The following PHKA1 variants were observed in gnomAD, a reference collection of about 807,000 sequenced individuals.
PHKA1 encodes the protein phosphorylase b kinase regulatory subunit alpha, skeletal muscle isoform.
Under a neutral mutation model 110.2 loss-of-function variants are expected in PHKA1, and 60 were observed. The ratio of observed to expected loss-of-function variants is 0.54; its 90% confidence interval spans 0.44 to 0.68. The LOEUF is 0.68. Ranked by LOEUF, PHKA1 falls within the 30% of genes least tolerant of loss-of-function variation. The pLI, the probability that PHKA1 is intolerant of heterozygous loss-of-function variation, is 0.00. For synonymous variants in PHKA1, 316 were observed against 333.6 expected (o/e 0.95, Z 0.58); for missense variants, 801 against 942.5 (o/e 0.85, Z 1.97).
At chrX:72,623,324 T>C in intron 17 of PHKA1, 49 bp from the exon 18 acceptor site, 1 of 1,011,467 alleles carries the variant, frequency 9.9e-7, no homozygotes, top group Non-Finnish European at 1.4e-6. Flanking sequence ...GTGATCCTTT[T>C]TAAACAACAC....
intron 21 of PHKA1, among the ~76,000 whole-genome samples, chrX:72,616,242 C>G (rs1188214639): frequency 9.0e-6 from 1 of 111,576 alleles, no homozygotes; most frequent in Non-Finnish European, 1.9e-5. Flanking sequence ...GTGGCATGCA[C>G]CTGTGGTCCC....
intron 29 of PHKA1, among the ~76,000 whole-genome samples, chrX:72,591,655 A>C (rs2052523960): frequency 1.8e-5 from 2 of 112,223 alleles, no homozygotes; most frequent in Admixed American, 9.5e-5. Context: ...TTAGAATTTT[A>C]AAGTCATTTA....
At chrX:72,622,899 C>G (rs1176503368) in intron 18 of PHKA1, 1 of 753,211 alleles carries the variant, frequency 1.3e-6, no homozygotes, top group Non-Finnish European at 1.6e-6. Context: ...AAGGGACTGT[C>G]CAACTCCATA....
rs782118035 is a variant in PHKA1 at position 72,667,447 on chromosome X, C to G, written c.645G>C (p.Leu215=). 10 of 1,209,736 alleles carry G rather than the reference C, an allele frequency of 8.3e-6. No homozygotes were observed. Among genetic ancestry groups the G allele is most frequent in the Non-Finnish European group, 1.0e-5 (9 of 893,643 alleles). The part of the protein sequence containing the change: ...AKAALEALDE[L]DLFGVKGGPQ... ...GCCCACCTTTCACACCAAACAGATC[C>G]AGTTCATCTAATGCTTCCAGGGCTG... Residue 215 remains leucine (L), a synonymous_variant, in exon 7 of 32, where the codon CTG becomes CTC. Transcript: ENST00000373542.
chrX:72,597,524 T>G (rs1313569034), intron 28 of PHKA1, among the ~76,000 whole-genome samples: 1 of 111,532 alleles, frequency 9.0e-6, no homozygotes, highest in East Asian at 2.8e-4. Flanking sequence ...TTTTAAATTT[T>G]TTTTAACTTT....
In PHKA1 at chrX:72,705,151, A is replaced by G. The variant is rs1226651509; in HGVS notation, c.285+47T>C. Reference sequence around the variant, plus strand: ...ACATTCCCTAAAGGGTAGAGATACTATTACAATGTGCTTTTATTAGAGAGG... The same window carrying G: ...ACATTCCCTAAAGGGTAGAGATACTGTTACAATGTGCTTTTATTAGAGAGG... On this transcript the variant is annotated intron_variant, in intron 3 of 31. Transcript: ENST00000373542. 4.4e-6 allele frequency: 4 copies of G among 916,363 alleles called. No individual in the cohort carries two copies. The East Asian group carries it at 9.8e-5, about 22-fold the overall frequency. 75.5% of individuals were successfully genotyped at this position (916,363 alleles called of 1,213,427 possible). A position where few individuals can be genotyped will look rare whatever the true frequency, so the allele number is the denominator to read the frequency against.
rs782141638 is a variant in PHKA1 at position 72,666,832 on chromosome X, C to T, written c.718-535G>A. 4.6e-4 allele frequency among the ~76,000 whole-genome samples: 51 copies of T among 111,938 alleles called. 1 individual carries two copies. The highest frequency in any genetic ancestry group is 7.2e-4 in the Non-Finnish European group (38 of 53,107). Reference sequence around the variant, plus strand: ...GGAGATGAGTTTATATTCAATAGGACCCTATGGTATCTAATCAGGGTTTGA... The same window carrying T: ...GGAGATGAGTTTATATTCAATAGGATCCTATGGTATCTAATCAGGGTTTGA... On this transcript the variant is annotated intron_variant, in intron 7 of 31. Coordinates refer to ENST00000373542, the MANE Select transcript of PHKA1 (RefSeq NM_002637.4).
chrX:72,670,325 T>G (rs1170203191), intron 6 of PHKA1, among the ~76,000 whole-genome samples: 1 of 111,964 alleles, frequency 8.9e-6, no homozygotes, highest in African/African-American at 3.3e-5. Flanking sequence ...TTCTATAGGT[T>G]GCCTGTTCAC....
At chrX:72,630,165 T>C (rs2053142909) in intron 16 of PHKA1, among the ~76,000 whole-genome samples, 1 of 110,230 alleles carries the variant, frequency 9.1e-6, no homozygotes. Flanking sequence ...GGTAGGAGAA[T>C]CACTTGAACC....
chrX:72,671,885 T>G (rs1190343873), intron 6 of PHKA1, among the ~76,000 whole-genome samples: 1 of 111,897 alleles, frequency 8.9e-6, no homozygotes, highest in Non-Finnish European at 1.9e-5. Flanking sequence ...GCTAGCCATA[T>G]GTAGAAAGCT....
chrX:72,652,517 T>C, intron 12 of PHKA1, 27 bp downstream of exon 12: 1 of 846,691 alleles, frequency 1.2e-6, no homozygotes, highest in African/African-American at 2.0e-5. Flanking sequence ...CAGAAAAAAG[T>C]GGGACAGCCT....
intron 19 of PHKA1, 56 bp downstream of exon 19, chrX:72,620,669 A>T: frequency 9.5e-7 from 1 of 1,055,064 alleles, no homozygotes. Flanking sequence ...GCCCGCCCCT[A>T]TCCTGGGCTT....
At chrX:72,638,436 T>G (rs1556293160) in intron 14 of PHKA1, among the ~76,000 whole-genome samples, 1 of 110,488 alleles carries the variant, frequency 9.1e-6, no homozygotes, top group African/African-American at 3.3e-5. Flanking sequence ...TTTTTTTCTT[T>G]TGTCTTTTAT....
chrX:72,602,992 CT>C (rs1270039958), intron 26 of PHKA1, 126 bp downstream of exon 26: 1 of 504,413 alleles, frequency 2.0e-6, no homozygotes, highest in Non-Finnish European at 3.5e-6. Context: ...AGCTTGGTTT[CT>C]GTTTTATATA....
At position 72,623,162 on chromosome X, in the gene PHKA1, T is replaced by G; in HGVS notation, c.1907A>C (p.Tyr636Ser). 1 of 1,210,906 alleles carries G rather than the reference T, an allele frequency of 8.3e-7. No individual in the cohort carries two copies. The highest frequency in any genetic ancestry group is 1.1e-6 in the Non-Finnish European group (1 of 894,765). Reference sequence around the variant, plus strand: ...CCAGTTGCCAGATTCCAGGTAATCATAGTTGTCATCATAATCTTCACTGTA... The same window carrying G: ...CCAGTTGCCAGATTCCAGGTAATCAGAGTTGTCATCATAATCTTCACTGTA... ...KLYSEDYDDNYDYLESGNWMN... is the reference protein window; with the variant it reads ...KLYSEDYDDNSDYLESGNWMN... Residue 636 changes from tyrosine to serine, a missense_variant, in exon 18 of 32, where the codon TAT (tyrosine) becomes TCT (serine). Tyr to Ser is a moderately radical substitution (Grantham distance 144, BLOSUM62 -2). Coordinates refer to ENST00000373542, the MANE Select transcript of PHKA1 (RefSeq NM_002637.4).
At chrX:72,606,181 G>A (rs782166797) in intron 23 of PHKA1, among the ~76,000 whole-genome samples, 1 of 111,539 alleles carries the variant, frequency 9.0e-6, no homozygotes, top group African/African-American at 3.3e-5. Flanking sequence ...GTTAACAATA[G>A]TCACCCTACT....
intron 13 of PHKA1, among the ~76,000 whole-genome samples, chrX:72,646,173 G>A (rs1359000804): frequency 9.0e-6 from 1 of 111,679 alleles, no homozygotes; most frequent in African/African-American, 3.3e-5. Context: ...AAGGGCATAT[G>A]CATCACTTGA....
At chrX:72,620,510 C>T (rs1312629092) in intron 19 of PHKA1, among the ~76,000 whole-genome samples, 2 of 112,012 alleles carry the variant, frequency 1.8e-5, no homozygotes, top group Admixed American at 1.9e-4. Context: ...CCAGTTAAAC[C>T]AGACTACATA....
rs782389974 is a variant in PHKA1, at chrX:72,604,661, C to T, written c.2815+610G>A. Among the ~76,000 whole-genome samples, 195 of 111,502 alleles carry T rather than the reference C, an allele frequency of 1.7e-3. 1 individual carries two copies. The highest frequency in any genetic ancestry group is 0.014 in the Middle Eastern group (3 of 219). Reference sequence around the variant, plus strand: ...TTTTGCAATTCTTGTTGAAATCAAACAAATACTAATGGAATAAGGAGTCAT... The same window carrying T: ...TTTTGCAATTCTTGTTGAAATCAAATAAATACTAATGGAATAAGGAGTCAT... On this transcript the variant is annotated intron_variant, in intron 25 of 31. Transcript: ENST00000373542.
Sources: allele counts gnomAD v4.1 joint callset (sites outside exome capture counted in the v4.1 genomes callset), GRCh38; gene constraint gnomAD v4.1.1; transcripts MANE v1.5; gene names NCBI Gene and HGNC (gene_info 2026-07-23, HGNC 2026-07-21).